The following RNF38 variants were observed in gnomAD, a reference collection of about 807,000 sequenced individuals.
RNF38 encodes the protein E3 ubiquitin-protein ligase RNF38.
In RNF38, 15 loss-of-function variants were observed where a neutral mutation model predicts 67.2. That is an observed-to-expected ratio of 0.22 (90% CI 0.15 to 0.34). The LOEUF is 0.34. RNF38 is among the 10% of genes least tolerant of loss of function. RNF38 has a pLI of 1.00. For missense variants in RNF38, 524 were observed against 639.9 expected, an observed-to-expected ratio of 0.82 and a Z score of 1.95; for synonymous variants, 220 against 218.8, an observed-to-expected ratio of 1.01 and a Z score of -0.05.
upstream of RNF38, chr9:36,487,561 G>A: frequency 1.0e-6 from 1 of 980,818 alleles, no homozygotes; most frequent in Non-Finnish European, 1.2e-6. Flanking sequence ...TTCCGCTCAT[G>A]GCGGGGCCGC....
chr9:36,459,683 T>C (rs886726545), intron 1 of RNF38, among the ~76,000 whole-genome samples: 3 of 152,176 alleles, frequency 2.0e-5, no homozygotes, highest in Non-Finnish European at 4.4e-5. Context: ...TATTGTATAG[T>C]GCTTACAAAG....
exon 1 of RNF38, chr9:36,487,431 G>A: frequency 2.0e-6 from 2 of 981,032 alleles, no homozygotes; most frequent in East Asian, 1.1e-4. Context: ...GGTGGGGGGC[G>A]CGGGCGGCGC....
At chr9:36,362,328 A>G (rs1018452010) in intron 4 of RNF38, among the ~76,000 whole-genome samples, 4 of 151,792 alleles carry the variant, frequency 2.6e-5, no homozygotes, top group Non-Finnish European at 4.4e-5. Flanking sequence ...ATTGCACTCC[A>G]GCCTAGGCAA....
At chr9:36,461,530 A>G (rs1839733620) in intron 1 of RNF38, among the ~76,000 whole-genome samples, 1 of 152,206 alleles carries the variant, frequency 6.6e-6, no homozygotes, top group Non-Finnish European at 1.5e-5. Context: ...TTAAGTAACC[A>G]TGTGACCCAT....
chr9:36,386,511 C>T (rs1301989643), intron 2 of RNF38, among the ~76,000 whole-genome samples: 2 of 152,112 alleles, frequency 1.3e-5, no homozygotes, highest in East Asian at 1.9e-4. Context: ...TTGTTAGAGG[C>T]GTTTGAACCA....
chr9:36,415,144 AT>A (rs1838427704), intron 2 of RNF38, among the ~76,000 whole-genome samples: 1 of 152,174 alleles, frequency 6.6e-6, no homozygotes, highest in South Asian at 2.1e-4. Context: ...AGTTTTCCAA[AT>A]TTTTAGATTT....
At chr9:36,424,324 A>C (rs1449248879) in intron 2 of RNF38, among the ~76,000 whole-genome samples, 1 of 152,218 alleles carries the variant, frequency 6.6e-6, no homozygotes, top group Admixed American at 6.5e-5. Flanking sequence ...TATTAAGATA[A>C]TCCATTCAGG....
At chr9:36,450,884 A>G (rs1839421288) in intron 1 of RNF38, among the ~76,000 whole-genome samples, 1 of 152,178 alleles carries the variant, frequency 6.6e-6, no homozygotes, top group Non-Finnish European at 1.5e-5. Flanking sequence ...ATTGCACTCC[A>G]GCCAAGCCCC....
At chr9:36,456,206 A>G (rs1426767660) in intron 1 of RNF38, among the ~76,000 whole-genome samples, 3 of 152,050 alleles carry the variant, frequency 2.0e-5, no homozygotes, top group Non-Finnish European at 4.4e-5. Flanking sequence ...TTACAGGTGT[A>G]CACCACCACA....
chr9:36,360,701 A>AT (rs774277751), intron 4 of RNF38, among the ~76,000 whole-genome samples: 16 of 152,196 alleles, frequency 1.1e-4, no homozygotes, highest in Non-Finnish European at 2.1e-4. Flanking sequence ...ATAAGTACCT[A>AT]TATCCTATAT....
At chr9:36,447,720 A>G (rs995726073) in intron 1 of RNF38, among the ~76,000 whole-genome samples, 1 of 152,226 alleles carries the variant, frequency 6.6e-6, no homozygotes, top group Non-Finnish European at 1.5e-5. Flanking sequence ...ACCTACAGAA[A>G]TGTAAACATA....
intron 1 of RNF38, among the ~76,000 whole-genome samples, chr9:36,395,688 A>C: frequency 6.6e-6 from 1 of 152,258 alleles, no homozygotes; most frequent in Non-Finnish European, 1.5e-5. Context: ...AATCTCTAAT[A>C]TTTAAACTGA....
chr9:36,342,202 T>C (rs1832907338), intron 11 of RNF38, 123 bp downstream of exon 11: 2 of 705,174 alleles, frequency 2.8e-6, no homozygotes, highest in Non-Finnish European at 5.0e-6. Context: ...GCAGAGATCA[T>C]ACTGAAAGCT....
chr9:36,359,974 A>G (rs2133619233), intron 4 of RNF38, among the ~76,000 whole-genome samples: 1 of 152,028 alleles, frequency 6.6e-6, no homozygotes, highest in Middle Eastern at 3.4e-3. Flanking sequence ...TGAACTCCTG[A>G]ACTCAGATGA....
At chr9:36,353,083 TA>T in intron 7 of RNF38, 86 bp downstream of exon 7, 2 of 1,181,382 alleles carry the variant, frequency 1.7e-6, no homozygotes, top group Non-Finnish European at 2.5e-6. Context: ...CATATAATTC[TA>T]AATATGGTGA....
intron 7 of RNF38, 53 bp from the exon 8 acceptor site, chr9:36,352,901 C>G: frequency 2.4e-6 from 3 of 1,269,234 alleles, no homozygotes; most frequent in Middle Eastern, 3.7e-4. Flanking sequence ...TACAAATAGC[C>G]TGTCAAATAA....
At chr9:36,481,334 T>C (rs1587221597) in intron 1 of RNF38, among the ~76,000 whole-genome samples, 1 of 152,166 alleles carries the variant, frequency 6.6e-6, no homozygotes. Context: ...TTTGATAGCG[T>C]AACTATTGAT....
At chr9:36,343,415 A>C (rs1332007596) in intron 10 of RNF38, among the ~76,000 whole-genome samples, 1 of 152,204 alleles carries the variant, frequency 6.6e-6, no homozygotes, top group Non-Finnish European at 1.5e-5. Flanking sequence ...AATAATACAA[A>C]GACAAACCAA....
At chr9:36,352,447 A>G (rs1048073437) in intron 8 of RNF38, among the ~76,000 whole-genome samples, 2 of 152,196 alleles carry the variant, frequency 1.3e-5, no homozygotes, top group Non-Finnish European at 2.9e-5. Context: ...AAAGCTGAAT[A>G]ATCAAGACTG....
Sources: gnomAD v4.1 joint callset for allele counts (sites outside exome capture counted in the v4.1 genomes callset) on GRCh38, gnomAD v4.1.1 for gene constraint, MANE v1.5 for transcripts, NCBI Gene and HGNC (gene_info 2026-07-23, HGNC 2026-07-21) for gene names.